Variants in TBCD observed in about 807,000 individuals in gnomAD.
The protein encoded by TBCD is tubulin folding cofactor D, also known as tubulin-specific chaperone D.
A neutral mutation model predicts 169.3 loss-of-function variants in TBCD; 105 were observed. The ratio of observed to expected loss-of-function variants is 0.62; its 90% CI spans 0.53 to 0.73. The LOEUF (loss-of-function observed/expected upper bound fraction) is 0.73. Among genes scored for constraint, TBCD ranks in the 30% least tolerant of loss-of-function variants. TBCD has a pLI of 0.00. For synonymous variants in TBCD, 700 were observed against 643.9 expected (o/e 1.09, Z -1.32); for missense variants, 1,444 against 1,600.1 (o/e 0.90, Z 1.66).
intron 12 of TBCD, among the ~76,000 whole-genome samples, chr17:82,813,804 G>C (rs2051645767): frequency 6.6e-6 from 1 of 152,224 alleles, no homozygotes; most frequent in African/African-American, 2.4e-5. Flanking sequence ...GTTTAATTGT[G>C]ATTGAGTCTG....
chr17:82,944,380 GAT>G lies in TBCD; in HGVS notation c.*1919_*1920del, dbSNP rs759118278. On this transcript the variant is annotated 3_prime_UTR_variant, in exon 39 of 39. Transcript: ENST00000355528. ...TTCTGGAGCCCACCAGGGTCCAGGTGATAGAGTTTGGCAAGGAACCCCTTGCT... is the reference window on the plus strand; with the variant it reads ...TTCTGGAGCCCACCAGGGTCCAGGTGAGAGTTTGGCAAGGAACCCCTTGCT... 1.6e-4 allele frequency: 25 copies of G among 152,224 alleles called. No individual in the cohort carries two copies. Among genetic ancestry groups the G allele is most frequent in the Non-Finnish European group, 3.4e-4 (23 of 68,054 alleles). The allele number at this position is 152,224 out of a possible 1,614,324, so 9.4% of individuals were successfully genotyped here.
Position 82,752,248 on chromosome 17 carries a change from G to T in TBCD, c.55G>T (p.Glu19Ter), listed in dbSNP as rs1348366650. Residue 19 changes from glutamate to a stop codon, truncating the protein, a stop_gained, in exon 1 of 39, where the codon GAG becomes TAG. Coordinates refer to ENST00000355528, the MANE Select transcript of TBCD (RefSeq NM_005993.5). LOFTEE classifies it high-confidence loss of function. ...AGGPEEEAED[E>*]TLAFGAALEA... is the part of the protein sequence containing the mutation. ...CGGCCCCGAGGAGGAGGCGGAGGACGAGACACTGGCCTTTGGCGCGGCGCT... is the reference window on the plus strand; with the variant it reads ...CGGCCCCGAGGAGGAGGCGGAGGACTAGACACTGGCCTTTGGCGCGGCGCT... 3 of 1,525,738 alleles carry T rather than the reference G, an allele frequency of 2.0e-6. No individual in the cohort carries two copies. Among genetic ancestry groups the T allele is most frequent in the East Asian group, 2.6e-5 (1 of 38,046 alleles). 94.5% of individuals were successfully genotyped at this position (1,525,738 alleles called of 1,614,324 possible). A position where few individuals can be genotyped will look rare whatever the true frequency, so the allele number is the denominator to read the frequency against.
intron 5 of TBCD, among the ~76,000 whole-genome samples, chr17:82,772,215 C>CA (rs1346643659): frequency 1.3e-5 from 2 of 152,156 alleles, no homozygotes; most frequent in Non-Finnish European, 2.9e-5. Flanking sequence ...GGGGTGTGAC[C>CA]AAATGCTCTG....
chr17:82,931,718 CTG>C (rs1382988630), intron 33 of TBCD, among the ~76,000 whole-genome samples: 2 of 152,220 alleles, frequency 1.3e-5, no homozygotes, highest in Admixed American at 6.5e-5. Context: ...CCCAGCTCTC[CTG>C]TGTGTTAGTC....
intron 2 of TBCD, among the ~76,000 whole-genome samples, chr17:82,760,024 C>A (rs1439088743): frequency 6.6e-6 from 1 of 151,806 alleles, no homozygotes; most frequent in Non-Finnish European, 1.5e-5. Context: ...GTAGCATGTG[C>A]CACCACGCCT....
intron 13 of TBCD, among the ~76,000 whole-genome samples, chr17:82,843,230 G>A (rs1427084127): frequency 6.6e-6 from 1 of 151,978 alleles, no homozygotes; most frequent in Non-Finnish European, 1.5e-5. Context: ...ACTCTCATAT[G>A]CCCAACGGTG....
Position 82,929,434 on chromosome 17 carries a change from G to A in TBCD, c.2925G>A (p.Leu975=). 1.2e-6 allele frequency: 2 copies of A among 1,612,276 alleles called. No homozygotes were observed. Among genetic ancestry groups the A allele is most frequent in the Non-Finnish European group, 1.7e-6 (2 of 1,179,884 alleles). ...AFPRITQLLG[L]PTYRYHVLLG... The stretch of plus-strand genomic sequence containing the variant: ...CACGCATCACCCAGCTCCTTGGGCT[G>A]CCCACCTACCGCTACCACGTCCTGC... The change falls in exon 32 of 39, where the codon CTG becomes CTA. Residue 975 remains leucine, a synonymous_variant. Transcript: ENST00000355528.
At chr17:82,841,320 CT>C (rs112302012) in intron 13 of TBCD, among the ~76,000 whole-genome samples, 36 of 148,178 alleles carry the variant, frequency 2.4e-4, no homozygotes, top group African/African-American at 5.9e-4. Flanking sequence ...TATTTAATTC[CT>C]TTTTTTTTTC....
Position 82,852,275 on chromosome 17 carries a change from G to A in TBCD, c.1319-17949G>A, listed in dbSNP as rs2055860315. ...GGTGGCTCCTTGCCCCGAGCGTGGC[G>A]TTGGCGTGGTCCGTGGGCGATGCAG... is the stretch of plus-strand genomic sequence containing the variant. On this transcript the variant is annotated intron_variant, in intron 13 of 38. Transcript: ENST00000355528. Among the ~76,000 whole-genome samples the A allele has an allele frequency of 2.6e-5, 4 of 152,034 alleles. No individual in the cohort carries two copies. In the South Asian group the frequency reaches 6.2e-4, roughly 24 times the overall value.
rs1368670979 is a variant in TBCD, at chr17:82,832,893, G to C, written c.1318+17959G>C. ...AGTCACCTCGGGGCCTAGAGGTGGA[G>C]TGTGGTGTGTGGTGCGTTGAGTGTC... On this transcript the variant is annotated intron_variant, in intron 13 of 38. Coordinates refer to ENST00000355528, the MANE Select transcript of TBCD (RefSeq NM_005993.5). The surrounding 1 kb of genome is among the most constrained non-coding windows in gnomAD (Gnocchi z 4.9). Among the ~76,000 whole-genome samples the C allele has an allele frequency of 1.3e-5, 2 of 152,216 alleles. No homozygotes were observed. Among genetic ancestry groups the C allele is most frequent in the Non-Finnish European group, 1.5e-5 (1 of 68,036 alleles).
At position 82,927,945 on chromosome 17, in the gene TBCD, C is replaced by G. The variant is rs202134464; in HGVS notation, c.2650C>G (p.Leu884Val). The change falls in exon 30 of 39, where the codon CTT (leucine) becomes GTT (valine). Residue 884 changes from leucine to valine, a missense_variant. Coordinates refer to ENST00000355528, the MANE Select transcript of TBCD (RefSeq NM_005993.5). ...CATGACCAGTCTGATGGATCTGACA[C>G]TTCTGCTGGCTCGGAGCCAGCCTGA... is the stretch of plus-strand genomic sequence containing the variant. ...AAMTSLMDLT[L>V]LLARSQPELI... 2.5e-6 allele frequency: 4 copies of G among 1,613,296 alleles called. No individual in the cohort carries two copies. In the African/African-American group the frequency reaches 5.3e-5, roughly 21 times the overall value.
Position 82,869,760 on chromosome 17 carries a change from A to ACG in TBCD, c.1319-462_1319-461dup, listed in dbSNP as rs141153188. On this transcript the variant is annotated intron_variant, in intron 13 of 38. Coordinates refer to ENST00000355528, the MANE Select transcript of TBCD (RefSeq NM_005993.5). Reference sequence around the variant, plus strand: ...TGGGCAGAGCCAGGCATCCCCTGGGACGCTCTGCCTTTGCGTGTCCACGAC... The same window carrying ACG: ...TGGGCAGAGCCAGGCATCCCCTGGGACGCGCTCTGCCTTTGCGTGTCCACGAC... 8.5e-4 allele frequency among the ~76,000 whole-genome samples: 129 copies of ACG among 152,184 alleles called. 1 individual carries two copies. In the East Asian group the frequency reaches 0.024, roughly 28 times the overall value.
intron 34 of TBCD, among the ~76,000 whole-genome samples, chr17:82,936,693 T>C (rs1168508311): frequency 6.6e-6 from 1 of 152,164 alleles, no homozygotes; most frequent in Non-Finnish European, 1.5e-5. Context: ...GGCTGGAGCT[T>C]GGCTGCATTC....
rs1391136882 is a variant in TBCD, at chr17:82,890,300, G to A, written c.1563+603G>A. The stretch of plus-strand genomic sequence containing the variant: ...CTTGCAGGAGAGTGGGACAGAGGCC[G>A]GAGAGGGGACCGGGGTCTGGGCTGG... On this transcript the variant is annotated intron_variant, in intron 16 of 38. Coordinates refer to ENST00000355528, the MANE Select transcript of TBCD (RefSeq NM_005993.5). The surrounding 1 kb of genome is among the most constrained non-coding windows in gnomAD (Gnocchi z 5.3). 6.6e-6 allele frequency among the ~76,000 whole-genome samples: 1 copy of A among 152,218 alleles called. No homozygotes were observed. Among genetic ancestry groups the A allele is most frequent in the Non-Finnish European group, 1.5e-5 (1 of 68,042 alleles).
chr17:82,821,783 C>T (rs969916257), intron 13 of TBCD, among the ~76,000 whole-genome samples: 2 of 152,168 alleles, frequency 1.3e-5, no homozygotes, highest in African/African-American at 4.8e-5. Flanking sequence ...CTCAAGGTCC[C>T]TGTGAACCTG....
intron 15 of TBCD, among the ~76,000 whole-genome samples, chr17:82,886,536 A>G (rs2058714956): frequency 2.0e-5 from 3 of 150,590 alleles, no homozygotes; most frequent in African/African-American, 7.5e-5. Flanking sequence ...AACTGAGAAG[A>G]TTTTAAATCT....
intron 13 of TBCD, chr17:82,839,064 A>C (rs1405242032): frequency 2.5e-6 from 2 of 812,486 alleles, no homozygotes; most frequent in African/African-American, 3.7e-5. Context: ...TAACAACCAA[A>C]CAGAAACTTA....
chr17:82,802,238 G>A lies in TBCD; in HGVS notation c.950+1242G>A, dbSNP rs147757686. On this transcript the variant is annotated intron_variant, in intron 9 of 38. Transcript: ENST00000355528. ...AGACAGACTTTTCTAGTGTTCTTAG[G>A]GTGCTGTGTGTTAGCGACCTTCAGT... Among the ~76,000 whole-genome samples, 330 of 151,640 alleles carry A rather than the reference G, an allele frequency of 2.2e-3. 1 individual carries two copies. The highest frequency in any genetic ancestry group is 7.5e-3 in the African/African-American group (311 of 41,320).
chr17:82,940,017 C>A (rs2062977739), intron 37 of TBCD, among the ~76,000 whole-genome samples: 1 of 152,186 alleles, frequency 6.6e-6, no homozygotes, highest in Admixed American at 6.5e-5. Flanking sequence ...GGCTTCTTTA[C>A]CATGGGTGGA....
Sources: allele counts gnomAD v4.1 joint callset (sites outside exome capture counted in the v4.1 genomes callset), GRCh38; gene constraint gnomAD v4.1.1; non-coding constraint Gnocchi (gnomAD v3.1); transcripts MANE v1.5; gene names NCBI Gene and HGNC (gene_info 2026-07-23, HGNC 2026-07-21).